MCPH1: variants seen among roughly 807,000 people sequenced by gnomAD.
MCPH1 encodes the protein microcephalin 1, also known as microcephalin.
A neutral mutation model predicts 84.5 loss-of-function variants in MCPH1; 104 were observed. The observed-to-expected ratio is 1.23, with a 90% CI of 1.05 to 1.45. The LOEUF (loss-of-function observed/expected upper bound fraction) is 1.45. Ranked by LOEUF, MCPH1 falls within the 40% of genes most tolerant of loss-of-function variation. The pLI is 0.00. For synonymous variants in MCPH1, 514 were observed against 366.8 expected (o/e 1.40, Z -4.58); for missense variants, 1,498 against 1,005.7 (o/e 1.49, Z -6.62).
intron 12 of MCPH1, among the ~76,000 whole-genome samples, chr8:6,556,658 G>A (rs1018988956): frequency 6.6e-6 from 1 of 151,802 alleles, no homozygotes. Context: ...TTGTTGCCCA[G>A]GCTGGAGCGC....
At chr8:6,600,390 G>A (rs562550257) in intron 12 of MCPH1, among the ~76,000 whole-genome samples, 16 of 152,254 alleles carry the variant, frequency 1.1e-4, no homozygotes, top group Non-Finnish European at 1.9e-4. Context: ...GGTGTAACTG[G>A]TATTCCTGTG....
chr8:6,429,110 A>G (rs773315024), intron 3 of MCPH1, among the ~76,000 whole-genome samples: 1 of 150,876 alleles, frequency 6.6e-6, no homozygotes, highest in Non-Finnish European at 1.5e-5. Context: ...AGTGTACATG[A>G]TACATTTTGG....
intron 1 of MCPH1, chr8:6,407,006 C>G (rs1288251129): frequency 9.3e-5 from 36 of 387,338 alleles, no homozygotes; most frequent in Admixed American, 3.9e-4. Flanking sequence ...CCCCGTGCTG[C>G]TAGTTCCCCT....
At chr8:6,467,181 G>A (rs1269412094) in intron 9 of MCPH1, among the ~76,000 whole-genome samples, 1 of 152,118 alleles carries the variant, frequency 6.6e-6, no homozygotes, top group African/African-American at 2.4e-5. Flanking sequence ...TTAAGACTTA[G>A]TTTATATATC....
At chr8:6,611,021 G>T (rs3020254) in intron 12 of MCPH1, among the ~76,000 whole-genome samples, 3 of 151,932 alleles carry the variant, frequency 2.0e-5, no homozygotes, top group Non-Finnish European at 2.9e-5. Flanking sequence ...GCAAGCTGCA[G>T]GCAGAACTGT....
chr8:6,547,212 C>T (rs1000439255), intron 12 of MCPH1, among the ~76,000 whole-genome samples: 1 of 151,954 alleles, frequency 6.6e-6, no homozygotes, highest in Non-Finnish European at 1.5e-5. Flanking sequence ...TTAGATTATA[C>T]AGAAAAGTCA....
intron 12 of MCPH1, among the ~76,000 whole-genome samples, chr8:6,531,549 C>T (rs1466919368): frequency 6.6e-6 from 1 of 152,288 alleles, no homozygotes; most frequent in South Asian, 2.1e-4. Flanking sequence ...ATCTCGGCCT[C>T]CCAAAGTGCT....
At chr8:6,641,434 G>A (rs1207105973) in intron 13 of MCPH1, among the ~76,000 whole-genome samples, 1 of 152,172 alleles carries the variant, frequency 6.6e-6, no homozygotes, top group Non-Finnish European at 1.5e-5. Flanking sequence ...ACTTATACAT[G>A]GCAAAAGTTT....
In MCPH1 at chr8:6,621,538, G is replaced by A; in HGVS notation, c.2299G>A (p.Ala767Thr). ...CCAGCCAGCGATGTTTGTCTCGCCT[G>A]CCAGCAGCCCCCCAGTGGCCAAGCT... ...ADQPAMFVSP[A>T]SSPPVAKLCE... Residue 767 changes from alanine to threonine, a missense_variant, in exon 13 of 14, where the codon GCC (alanine) becomes ACC (threonine). By Grantham distance (58) the Ala-to-Thr change is moderately conservative (BLOSUM62 0). Coordinates refer to ENST00000344683, the MANE Select transcript of MCPH1 (RefSeq NM_024596.5). 1 of 1,614,180 alleles carries A rather than the reference G, an allele frequency of 6.2e-7. No homozygotes were observed. The highest frequency in any genetic ancestry group is 1.1e-5 in the South Asian group (1 of 91,088).
intron 9 of MCPH1, among the ~76,000 whole-genome samples, chr8:6,470,486 T>C (rs60439808): frequency 1.3e-5 from 2 of 152,304 alleles, no homozygotes; most frequent in East Asian, 3.9e-4. Context: ...GGTTTCACCA[T>C]GTTGGCCAGG....
At chr8:6,599,416 G>T (rs1037426007) in intron 12 of MCPH1, among the ~76,000 whole-genome samples, 2 of 152,150 alleles carry the variant, frequency 1.3e-5, no homozygotes, top group Non-Finnish European at 2.9e-5. Flanking sequence ...AAAAACCGAG[G>T]ATGTTCTTTG....
rs1297147536 is a variant in MCPH1, at chr8:6,645,350, A to C, written c.*2301A>C. ...TTGTACTTCATTTTACCCTTTCAAC[A>C]ATCCTATTAGTAGCTTACTGTGGGT... On this transcript the variant is annotated 3_prime_UTR_variant, in exon 14 of 14. Coordinates refer to ENST00000344683, the MANE Select transcript of MCPH1 (RefSeq NM_024596.5). 1.3e-5 allele frequency: 2 copies of C among 152,174 alleles called. No individual in the cohort carries two copies. Among genetic ancestry groups the C allele is most frequent in the Admixed American group, 6.5e-5 (1 of 15,272 alleles). The allele number at this position is 152,174 out of a possible 1,614,324, so 9.4% of individuals were successfully genotyped here. A position where few individuals can be genotyped will look rare whatever the true frequency, so the allele number is the denominator to read the frequency against.
At chr8:6,417,460 C>T (rs1221960923) in intron 3 of MCPH1, among the ~76,000 whole-genome samples, 2 of 152,176 alleles carry the variant, frequency 1.3e-5, no homozygotes, top group Non-Finnish European at 2.9e-5. Flanking sequence ...CTGTGTAATA[C>T]ACCTTTTAAA....
chr8:6,589,949 C>T (rs949681768), intron 12 of MCPH1, among the ~76,000 whole-genome samples: 11 of 152,200 alleles, frequency 7.2e-5, no homozygotes, highest in African/African-American at 2.4e-4. Context: ...ACTAGTTTTA[C>T]TCTAAAGTAT....
chr8:6,577,049 G>A (rs1827185055), intron 12 of MCPH1, among the ~76,000 whole-genome samples: 1 of 152,090 alleles, frequency 6.6e-6, no homozygotes, highest in African/African-American at 2.4e-5. Flanking sequence ...CCTGCCACTG[G>A]AATTACGCTC....
intron 12 of MCPH1, among the ~76,000 whole-genome samples, chr8:6,565,162 C>A (rs1321449528): frequency 6.6e-6 from 1 of 152,214 alleles, no homozygotes; most frequent in East Asian, 1.9e-4. Flanking sequence ...GAGCCTCAGT[C>A]TCCCTAGTCA....
At chr8:6,478,695 T>C (rs779729800) in intron 10 of MCPH1, among the ~76,000 whole-genome samples, 46 of 152,280 alleles carry the variant, frequency 3.0e-4, no homozygotes, top group Non-Finnish European at 5.0e-4. Context: ...CAGGATGGAG[T>C]TCTAGGGAGT....
At chr8:6,630,419 G>A (rs1353808550) in intron 13 of MCPH1, among the ~76,000 whole-genome samples, 1 of 152,138 alleles carries the variant, frequency 6.6e-6, no homozygotes, top group Non-Finnish European at 1.5e-5. Context: ...TTAGAAAAAT[G>A]TTACCAAAAT....
At chr8:6,472,758 A>T (rs1807914613) in intron 9 of MCPH1, among the ~76,000 whole-genome samples, 1 of 152,172 alleles carries the variant, frequency 6.6e-6, no homozygotes, top group Non-Finnish European at 1.5e-5. Flanking sequence ...ATAAGCCACC[A>T]TGTCCAGCCT....
Sources: allele counts gnomAD v4.1 joint callset (sites outside exome capture counted in the v4.1 genomes callset), GRCh38; gene constraint gnomAD v4.1.1; transcripts MANE v1.5; gene names NCBI Gene and HGNC (gene_info 2026-07-23, HGNC 2026-07-21).